The following DYRK1A variants were observed in gnomAD, a reference collection of about 807,000 sequenced individuals.
The protein encoded by DYRK1A is dual specificity tyrosine phosphorylation regulated kinase 1A.
A neutral mutation model predicts 79.7 loss-of-function variants in DYRK1A; 9 were observed. The observed-to-expected ratio is 0.11, with a 90% confidence interval of 0.07 to 0.20. The LOEUF (loss-of-function observed/expected upper bound fraction) is 0.20, where lower values mean the gene tolerates loss of function less well. Ranked by LOEUF, DYRK1A falls within the 10% of genes least tolerant of loss-of-function variation. The probability of loss-of-function intolerance (pLI) is 1.00; values close to 1 mark genes in which losing one functional copy is unlikely to be tolerated. For synonymous variants in DYRK1A, 349 were observed against 329.7 expected, an observed-to-expected ratio of 1.06 and a Z score of -0.63; for missense variants, 622 against 956.0, an observed-to-expected ratio of 0.65 and a Z score of 4.61.
At chr21:37,450,899 T>TG (rs2051425287) in intron 2 of DYRK1A, among the ~76,000 whole-genome samples, 1 of 142,112 alleles carries the variant, frequency 7.0e-6, no homozygotes, top group South Asian at 2.3e-4. Context: ...AATACAGTCA[T>TG]GCACCAAATA....
chr21:37,385,957 C>T (rs1402819507), intron 1 of DYRK1A, among the ~76,000 whole-genome samples: 1 of 150,856 alleles, frequency 6.6e-6, no homozygotes, highest in East Asian at 1.9e-4. Flanking sequence ...AGGAAACCTT[C>T]TTTGCACCCG....
intron 2 of DYRK1A, among the ~76,000 whole-genome samples, chr21:37,469,742 T>G (rs1160505775): frequency 6.6e-6 from 1 of 152,148 alleles, no homozygotes; most frequent in Non-Finnish European, 1.5e-5. Context: ...GGGGGGATGG[T>G]GCTAAACCAT....
chr21:37,496,306 C>A, intron 9 of DYRK1A, 48 bp downstream of exon 9: 1 of 1,557,920 alleles, frequency 6.4e-7, no homozygotes, highest in South Asian at 1.2e-5. Context: ...ATTTCTTTAT[C>A]ATACCTGTCT....
intron 1 of DYRK1A, among the ~76,000 whole-genome samples, chr21:37,398,928 C>T (rs535187735): frequency 1.2e-4 from 18 of 149,254 alleles, no homozygotes; most frequent in South Asian, 1.1e-3. Flanking sequence ...TTTTTTAAAC[C>T]GCAGAGAGAA....
At chr21:37,368,548 G>A (rs752032285) in intron 1 of DYRK1A, among the ~76,000 whole-genome samples, 28 of 152,182 alleles carry the variant, frequency 1.8e-4, no homozygotes, top group Non-Finnish European at 1.5e-5. Flanking sequence ...AGCACCATTT[G>A]GTTCTTGAAT....
At position 37,516,922 on chromosome 21, in the gene DYRK1A, TC is replaced by T. The variant is rs1379270993; in HGVS notation, c.*4393del. On this transcript the variant is annotated 3_prime_UTR_variant, in exon 12 of 12. Transcript: ENST00000647188. Reference sequence around the variant, plus strand: ...CAACTAGAATGCTACAGGTCTCTCTTCCAGTATGCAGCTGCTGTACCTGAAA... The same window carrying T: ...CAACTAGAATGCTACAGGTCTCTCTTCAGTATGCAGCTGCTGTACCTGAAA... 1 of 152,228 alleles carries T rather than the reference TC, an allele frequency of 6.6e-6. No individual in the cohort carries two copies. Among genetic ancestry groups the T allele is most frequent in the Non-Finnish European group, 1.5e-5 (1 of 68,038 alleles). The allele number at this position is 152,228 out of a possible 1,614,324, so 9.4% of individuals were successfully genotyped here. A position where few individuals can be genotyped will look rare whatever the true frequency, so the allele number is the denominator to read the frequency against.
intron 2 of DYRK1A, among the ~76,000 whole-genome samples, chr21:37,432,170 A>G (rs17814693): frequency 0.031 from 4,742 of 152,264 alleles, 125 homozygotes; most frequent in Non-Finnish European, 0.046. Context: ...CTGAATTTTC[A>G]TAAGGTTCTA....
rs2049324086 is a variant in DYRK1A at position 37,367,167 on chromosome 21, G to C, written c.-538G>C. On this transcript the variant is annotated 5_prime_UTR_variant, in exon 1 of 12. Transcript: ENST00000647188. ...TGTCTGTCTGTCTGTGCGGGGACTC[G>C]GGGGCGGGCGGTTCGGGCTCTCCTG... is the stretch of plus-strand genomic sequence containing the variant. 1.3e-5 allele frequency: 2 copies of C among 151,976 alleles called. No individual in the cohort carries two copies. Among genetic ancestry groups the C allele is most frequent in the Admixed American group, 6.5e-5 (1 of 15,274 alleles). The allele number at this position is 151,976 out of a possible 1,614,324, so 9.4% of individuals were successfully genotyped here. A position where few individuals can be genotyped will look rare whatever the true frequency, so the allele number is the denominator to read the frequency against.
chr21:37,486,571 T>A lies in DYRK1A; in HGVS notation c.594T>A (p.Leu198=), dbSNP rs1421488530. The change falls in exon 6 of 12, where the codon CTT becomes CTA. Residue 198 remains leucine, a synonymous_variant. Coordinates refer to ENST00000647188, the MANE Select transcript of DYRK1A (RefSeq NM_001347721.2). Reference sequence around the variant, plus strand: ...AAGCACAGATAGAAGTGCGACTTCTTGAGCTCATGAACAAACATGACACTG... The same window carrying A: ...AAGCACAGATAGAAGTGCGACTTCTAGAGCTCATGAACAAACATGACACTG... The part of the protein sequence containing the change: ...LNQAQIEVRL[L]ELMNKHDTEM... The A allele has an allele frequency of 1.3e-6, 2 of 1,596,914 alleles. No homozygotes were observed. The highest frequency in any genetic ancestry group is 4.6e-5 in the East Asian group (2 of 43,708).
intron 10 of DYRK1A, 75 bp downstream of exon 10, chr21:37,505,664 G>C (rs992078962): frequency 8.9e-6 from 13 of 1,455,270 alleles, no homozygotes; most frequent in Non-Finnish European, 1.2e-5. Flanking sequence ...ATTTTAAAGT[G>C]TTGATTAAAT....
intron 9 of DYRK1A, 108 bp downstream of exon 9, chr21:37,496,366 G>T (rs1041727153): frequency 1.9e-6 from 2 of 1,067,756 alleles, no homozygotes; most frequent in African/African-American, 3.2e-5. Context: ...TTCAGTTAAC[G>T]ATTTTATTGA....
In DYRK1A at chr21:37,512,060, TCACCATCACCACCACCAC is replaced by T. The variant is rs2053766726; in HGVS notation, c.1812_1829del (p.His605_His610del). ...ATCATCACCATGGTAACAGTTCCCA[TCACCATCACCACCACCAC>T]CACCATCACCACCACCATGGACAAC... is the stretch of plus-strand genomic sequence containing the variant. On this transcript the variant is annotated inframe_deletion, in exon 12 of 12. Coordinates refer to ENST00000647188, the MANE Select transcript of DYRK1A (RefSeq NM_001347721.2). 4.3e-6 allele frequency: 7 copies of T among 1,613,782 alleles called. No individual in the cohort carries two copies. Among genetic ancestry groups the T allele is most frequent in the African/African-American group, 1.3e-5 (1 of 74,848 alleles).
At chr21:37,369,249 T>G (rs986956178) in intron 1 of DYRK1A, among the ~76,000 whole-genome samples, 1 of 152,230 alleles carries the variant, frequency 6.6e-6, no homozygotes, top group Non-Finnish European at 1.5e-5. Flanking sequence ...TTAGCTTTTG[T>G]GTTGTTTAAT....
intron 1 of DYRK1A, among the ~76,000 whole-genome samples, chr21:37,389,747 AC>A (rs1319943087): frequency 6.6e-6 from 1 of 151,434 alleles, no homozygotes; most frequent in Non-Finnish European, 1.5e-5. Flanking sequence ...GGATTGGTGG[AC>A]CCATGAATAT....
At chr21:37,462,580 T>TTG (rs2051878356) in intron 2 of DYRK1A, among the ~76,000 whole-genome samples, 1 of 152,204 alleles carries the variant, frequency 6.6e-6, no homozygotes, top group South Asian at 2.1e-4. Context: ...CTTCTCCCAG[T>TTG]GCTTGTGCAG....
At chr21:37,463,202 A>ATGTGTGTGTGTGTGTGTGTGTGTG (rs1569345120) in intron 2 of DYRK1A, among the ~76,000 whole-genome samples, 2 of 35,636 alleles carry the variant, frequency 5.6e-5, no homozygotes, top group African/African-American at 2.7e-4. Flanking sequence ...TAATGTTGGC[A>ATGTGTGTGTGTGTGTGTGTGTGTG]CGTGTGTGTG....
chr21:37,499,547 CTG>C (rs1314024743), intron 9 of DYRK1A, among the ~76,000 whole-genome samples: 1 of 152,172 alleles, frequency 6.6e-6, no homozygotes, highest in African/African-American at 2.4e-5. Context: ...GTCTTCCACT[CTG>C]TAAAGATGGG....
chr21:37,512,282 G>C lies in DYRK1A; in HGVS notation c.2016G>C (p.Gln672His). The C allele has an allele frequency of 6.2e-7, 1 of 1,614,218 alleles. No homozygotes were observed. The highest frequency in any genetic ancestry group is 8.5e-7 in the Non-Finnish European group (1 of 1,180,044). ...GTAACCAAGGCAATCAGGCCTACCA[G>C]AATCGCCCAGTGGCTGCTAATACCT... The part of the protein sequence containing the change: ...STGNQGNQAY[Q>H]NRPVAANTLD... Residue 672 changes from glutamine (Q) to histidine (H), a missense_variant, in exon 12 of 12, where the codon CAG becomes CAC. Physicochemically the swap from Gln to His is conservative, Grantham distance 24. Around this residue, in one of 5 missense-constraint regions of DYRK1A, gnomAD observed 292 missense variants for 316.7 expected, o/e 0.92. Transcript: ENST00000647188.
intron 1 of DYRK1A, among the ~76,000 whole-genome samples, chr21:37,378,961 A>G (rs2049603161): frequency 1.3e-5 from 2 of 152,108 alleles, no homozygotes; most frequent in African/African-American, 2.4e-5. Context: ...AGGACTTGAC[A>G]GTCTATTGGA....
Sources: allele counts gnomAD v4.1 joint callset (sites outside exome capture counted in the v4.1 genomes callset), GRCh38; gene constraint gnomAD v4.1.1; regional missense constraint gnomAD v4.1.1; transcripts MANE v1.5; gene names NCBI Gene and HGNC (gene_info 2026-07-23, HGNC 2026-07-21).